Variants in ADK observed in about 807,000 individuals in gnomAD.
The protein encoded by ADK is adenosine kinase, also known as N6,N6-dimethyladenosine kinase.
In ADK, 24 loss-of-function variants were observed where a neutral mutation model predicts 44.7. The ratio of observed to expected loss-of-function variants is 0.54; its 90% CI spans 0.39 to 0.76. The LOEUF is 0.76. Ranked by LOEUF, ADK falls within the 30% of genes least tolerant of loss-of-function variation. The pLI is 0.00. For synonymous variants in ADK, 128 were observed against 142.6 expected (o/e 0.90, Z 0.73); for missense variants, 321 against 425.1 (o/e 0.76, Z 2.15).
intron 7 of ADK, among the ~76,000 whole-genome samples, chr10:74,540,656 T>G (rs2133723704): frequency 6.6e-6 from 1 of 152,152 alleles, no homozygotes; most frequent in South Asian, 2.1e-4. Flanking sequence ...GATGGGGTTT[T>G]GCCATGTTGG....
chr10:74,568,309 AT>A (rs919516309), intron 7 of ADK, among the ~76,000 whole-genome samples: 28 of 151,206 alleles, frequency 1.9e-4, no homozygotes, highest in Admixed American at 3.3e-4. Flanking sequence ...TTTCCCCTTA[AT>A]TTTTTTTTCA....
chr10:74,609,631 C>T (rs1440036305), intron 9 of ADK, among the ~76,000 whole-genome samples: 4 of 152,098 alleles, frequency 2.6e-5, no homozygotes, highest in Admixed American at 6.6e-5. Context: ...AGAAATTACC[C>T]GCCTTCTGCG....
chr10:74,444,354 G>T (rs1845524652), intron 6 of ADK, among the ~76,000 whole-genome samples: 1 of 152,224 alleles, frequency 6.6e-6, no homozygotes, highest in South Asian at 2.1e-4. Context: ...GGGCAGAGTT[G>T]TCTGTTTTCT....
chr10:74,181,469 A>G (rs1842555711), intron 1 of ADK, among the ~76,000 whole-genome samples: 1 of 152,194 alleles, frequency 6.6e-6, no homozygotes, highest in South Asian at 2.1e-4. Context: ...ACTGGTCTTC[A>G]TTTGGGAAAT....
chr10:74,543,496 T>A (rs550513341), intron 7 of ADK, among the ~76,000 whole-genome samples: 2 of 152,382 alleles, frequency 1.3e-5, no homozygotes, highest in African/African-American at 4.8e-5. Flanking sequence ...CATACATATT[T>A]CTTGGGTTGC....
At chr10:74,338,946 C>CT (rs1048920465) in intron 4 of ADK, among the ~76,000 whole-genome samples, 1 of 151,880 alleles carries the variant, frequency 6.6e-6, no homozygotes, top group African/African-American at 2.4e-5. Flanking sequence ...CTTTGGGGAG[C>CT]TTTTTTTAAA....
At chr10:74,358,858 CTGAG>C (rs1264663214) in intron 4 of ADK, among the ~76,000 whole-genome samples, 2 of 152,078 alleles carry the variant, frequency 1.3e-5, no homozygotes, top group African/African-American at 4.8e-5. Flanking sequence ...AAATGATACT[CTGAG>C]TCATAATTAT....
rs1564795944 is a variant in ADK, at chr10:74,567,694, TTTTTG to T, written c.727-21583_727-21579del. Among the ~76,000 whole-genome samples, 234 of 132,174 alleles carry T rather than the reference TTTTTG, an allele frequency of 1.8e-3. 7 individuals carry two copies. The highest frequency in any genetic ancestry group is 8.2e-3 in the African/African-American group (222 of 27,024). 86.7% of individuals were successfully genotyped at this position (132,174 alleles called of 152,430 possible). Reference sequence around the variant, plus strand: ...CTCTCTCTCTCTGTTTTTTTTGTTTTTTTTGTTTTTTTTTTTTTTTTTGAGATGGA... The same window carrying T: ...CTCTCTCTCTCTGTTTTTTTTGTTTTTTTTTTTTTTTTTTTTTGAGATGGA... On this transcript the variant is annotated intron_variant, in intron 7 of 10. Coordinates refer to ENST00000539909, the MANE Select transcript of ADK (RefSeq NM_006721.4).
intron 6 of ADK, among the ~76,000 whole-genome samples, chr10:74,425,120 A>T (rs1480298230): frequency 6.6e-6 from 1 of 152,200 alleles, no homozygotes; most frequent in African/African-American, 2.4e-5. Context: ...GAGAGTATTT[A>T]CATTTGAATC....
intron 3 of ADK, among the ~76,000 whole-genome samples, chr10:74,309,817 T>G (rs1840375826): frequency 6.6e-6 from 1 of 152,194 alleles, no homozygotes; most frequent in Non-Finnish European, 1.5e-5. Context: ...TTGATCATTT[T>G]GTTGAACAGT....
chr10:74,666,845 T>G (rs927932698), intron 9 of ADK, among the ~76,000 whole-genome samples: 146 of 150,498 alleles, frequency 9.7e-4, no homozygotes, highest in African/African-American at 3.3e-3. Context: ...TTTTTTTTTT[T>G]TTTTTGAGAC....
intron 3 of ADK, among the ~76,000 whole-genome samples, chr10:74,265,771 C>T (rs1264468222): frequency 6.6e-6 from 1 of 151,944 alleles, no homozygotes; most frequent in Non-Finnish European, 1.5e-5. Context: ...TGTAGTTTGG[C>T]CATTGTATGA....
chr10:74,238,127 A>T (rs544132938), intron 3 of ADK, among the ~76,000 whole-genome samples: 1 of 152,092 alleles, frequency 6.6e-6, no homozygotes, highest in African/African-American at 2.4e-5. Flanking sequence ...CCAAAGTGCC[A>T]GGATTACAGG....
chr10:74,266,056 T>C (rs1457725103), intron 3 of ADK, among the ~76,000 whole-genome samples: 1 of 152,052 alleles, frequency 6.6e-6, no homozygotes, highest in Non-Finnish European at 1.5e-5. Flanking sequence ...GATGTGTTGA[T>C]GTGTATGTAT....
At chr10:74,624,292 C>T (rs547386005) in intron 9 of ADK, among the ~76,000 whole-genome samples, 33 of 151,424 alleles carry the variant, frequency 2.2e-4, no homozygotes, top group African/African-American at 7.0e-4. Flanking sequence ...CCCAACTTTG[C>T]TGAGCCTTGG....
chr10:74,653,732 G>A (rs529288145), intron 9 of ADK, among the ~76,000 whole-genome samples: 5 of 152,294 alleles, frequency 3.3e-5, no homozygotes, highest in Admixed American at 1.3e-4. Context: ...GTTTACTGGT[G>A]TTTATTGCTG....
At chr10:74,350,979 A>T (rs1035723210) in intron 4 of ADK, among the ~76,000 whole-genome samples, 1 of 152,212 alleles carries the variant, frequency 6.6e-6, no homozygotes, top group Non-Finnish European at 1.5e-5. Context: ...ACAGATTCAC[A>T]TCCGAATTCT....
intron 1 of ADK, among the ~76,000 whole-genome samples, chr10:74,190,813 A>G (rs1374657091): frequency 1.3e-5 from 2 of 152,226 alleles, no homozygotes; most frequent in East Asian, 1.9e-4. Flanking sequence ...GCTGCTTTTC[A>G]GGGCTAGCCT....
At chr10:74,547,485 T>TTA (rs145677702) in intron 7 of ADK, among the ~76,000 whole-genome samples, 3,939 of 48,582 alleles carry the variant, frequency 0.081, 172 homozygotes, top group Middle Eastern at 0.15. Flanking sequence ...TATTTTATTA[T>TTA]TTTTTTTTTT....
Sources: allele counts gnomAD v4.1 joint callset (sites outside exome capture counted in the v4.1 genomes callset), GRCh38; gene constraint gnomAD v4.1.1; transcripts MANE v1.5; gene names NCBI Gene and HGNC (gene_info 2026-07-23, HGNC 2026-07-21).